FMN1: variants seen among roughly 807,000 people sequenced by gnomAD.
FMN1 encodes the protein formin 1.
Under a neutral mutation model 132.4 loss-of-function variants are expected in FMN1, and 110 were observed. The observed-to-expected ratio is 0.83, with a 90% CI of 0.71 to 0.97. FMN1 has a LOEUF of 0.97. Ranked by LOEUF, FMN1 falls within the 50% of genes least tolerant of loss-of-function variation. The probability of loss-of-function intolerance (pLI) is 0.00; values close to 1 mark genes in which losing one functional copy is unlikely to be tolerated. For missense variants in FMN1, 1,792 were observed against 1,705.3 expected (o/e 1.05, Z -0.90); for synonymous variants, 722 against 651.7 (o/e 1.11, Z -1.64).
At chr15:32,811,659 A>T (rs1595981067) in intron 17 of FMN1, among the ~76,000 whole-genome samples, 3 of 147,474 alleles carry the variant, frequency 2.0e-5, no homozygotes, top group Non-Finnish European at 1.5e-5. Flanking sequence ...CTTTTTCATC[A>T]TTTTATTTGC....
intron 3 of FMN1, among the ~76,000 whole-genome samples, chr15:33,170,548 T>A (rs1208968082): frequency 2.2e-5 from 3 of 137,936 alleles, no homozygotes. Context: ...CTCAAACAAC[T>A]CAACAATAAA....
intron 5 of FMN1, among the ~76,000 whole-genome samples, chr15:33,082,664 A>C (rs942082247): frequency 6.6e-6 from 1 of 152,174 alleles, no homozygotes; most frequent in Non-Finnish European, 1.5e-5. Flanking sequence ...CCTGAGATGC[A>C]TGGCTAATGG....
intron 12 of FMN1, 138 bp from the exon 13 acceptor site, chr15:32,902,178 T>C (rs376819091): frequency 1.1e-5 from 8 of 703,662 alleles, no homozygotes; most frequent in East Asian, 1.1e-4. Flanking sequence ...ATAGGTAGAC[T>C]CAAGGAATTC....
intron 10 of FMN1, among the ~76,000 whole-genome samples, chr15:32,914,082 C>T (rs1243106924): frequency 6.6e-6 from 1 of 151,956 alleles, no homozygotes; most frequent in Non-Finnish European, 1.5e-5. Flanking sequence ...GTAGATTATA[C>T]CGCTTGCCTG....
At chr15:33,173,678 C>T (rs1965410787) in intron 3 of FMN1, among the ~76,000 whole-genome samples, 2 of 152,220 alleles carry the variant, frequency 1.3e-5, no homozygotes, top group African/African-American at 4.8e-5. Flanking sequence ...CCTGTAATCC[C>T]AGCACATTGG....
intron 6 of FMN1, among the ~76,000 whole-genome samples, chr15:33,040,340 CTTAT>C (rs1156303636): frequency 6.6e-6 from 1 of 152,126 alleles, no homozygotes; most frequent in Admixed American, 6.6e-5. Flanking sequence ...TTTGATTGAA[CTTAT>C]TTGTGTATTT....
chr15:32,797,088 G>C (rs1286615384), intron 19 of FMN1, among the ~76,000 whole-genome samples: 1 of 150,836 alleles, frequency 6.6e-6, no homozygotes, highest in African/African-American at 2.4e-5. Flanking sequence ...CTGGGAATCA[G>C]AGATACTGTC....
At chr15:33,066,927 G>C in intron 5 of FMN1, 1 of 1,613,956 alleles carries the variant, frequency 6.2e-7, no homozygotes, top group Non-Finnish European at 8.5e-7. Context: ...AGCCCTGCCT[G>C]CACTAAGGAC....
At position 32,997,381 on chromosome 15, in the gene FMN1, G is replaced by C. The variant is rs118000233; in HGVS notation, c.2223+10633C>G. On this transcript the variant is annotated intron_variant, in intron 7 of 20. Transcript: ENST00000616417. ...GCAGATCATCCTTTATTCCTACCTT[G>C]TACAGGTCTTTGACACAGGACGAGA... is the stretch of plus-strand genomic sequence containing the variant. Among the ~76,000 whole-genome samples the C allele has an allele frequency of 3.8e-3, 518 of 136,456 alleles. 3 individuals are homozygous for C. The highest frequency in any genetic ancestry group is 4.7e-3 in the Non-Finnish European group (299 of 64,046). The allele number at this position is 136,456 out of a possible 152,430, so 89.5% of individuals were successfully genotyped here. A position where few individuals can be genotyped will look rare whatever the true frequency, so the allele number is the denominator to read the frequency against.
intron 8 of FMN1, among the ~76,000 whole-genome samples, chr15:32,965,586 TG>T (rs2031137979): frequency 6.6e-6 from 1 of 152,202 alleles, no homozygotes; most frequent in South Asian, 2.1e-4. Context: ...CACAGAATTT[TG>T]TAATACTACA....
chr15:32,954,618 T>C lies in FMN1; in HGVS notation c.3138+9489A>G, dbSNP rs74014357. On this transcript the variant is annotated intron_variant, in intron 9 of 20. Coordinates refer to ENST00000616417, the MANE Select transcript of FMN1 (RefSeq NM_001277313.2). ...CCAAAGCTGGGCACTTTTTTCACTATACAATGACCAAAAAATAAAATTCAG... is the reference window on the plus strand; with the variant it reads ...CCAAAGCTGGGCACTTTTTTCACTACACAATGACCAAAAAATAAAATTCAG... Among the ~76,000 whole-genome samples the C allele has an allele frequency of 4.2e-3, 639 of 152,348 alleles. 4 individuals are homozygous for C. The highest frequency in any genetic ancestry group is 0.015 in the African/African-American group (627 of 41,564).
At chr15:32,872,456 C>T (rs2059538359) in intron 16 of FMN1, among the ~76,000 whole-genome samples, 1 of 152,228 alleles carries the variant, frequency 6.6e-6, no homozygotes, top group African/African-American at 2.4e-5. Context: ...TTATCCACTG[C>T]TCTAATCAGG....
chr15:33,151,461 C>T (rs1964435905), intron 4 of FMN1: 2 of 1,424,086 alleles, frequency 1.4e-6, no homozygotes, highest in East Asian at 5.0e-5. Flanking sequence ...CCTTGTCACT[C>T]AGTGGGCTCA....
At chr15:33,024,790 A>C (rs2035589967) in intron 6 of FMN1, among the ~76,000 whole-genome samples, 1 of 152,220 alleles carries the variant, frequency 6.6e-6, no homozygotes, top group African/African-American at 2.4e-5. Context: ...CATTGTTTCT[A>C]ACAGTGAAAA....
chr15:32,923,081 G>C (rs374763719), intron 10 of FMN1, among the ~76,000 whole-genome samples: 2 of 152,166 alleles, frequency 1.3e-5, no homozygotes, highest in Non-Finnish European at 2.9e-5. Context: ...TGGAAAGTAT[G>C]AGTTAATCCC....
Position 33,131,345 on chromosome 15 carries a change from A to T in FMN1, c.1867+21703T>A, listed in dbSNP as rs1247877661. 4.0e-5 allele frequency among the ~76,000 whole-genome samples: 6 copies of T among 151,884 alleles called. 1 individual carries two copies. The highest frequency in any genetic ancestry group is 2.6e-4 in the Admixed American group (4 of 15,254). On this transcript the variant is annotated intron_variant, in intron 4 of 20. Coordinates refer to ENST00000616417, the MANE Select transcript of FMN1 (RefSeq NM_001277313.2). Reference sequence around the variant, plus strand: ...CTCCATCTCAAAAAAAAAAAAAAAAAAAAAGCTGTATTAAAATCAGGATGT... The same window carrying T: ...CTCCATCTCAAAAAAAAAAAAAAAATAAAAGCTGTATTAAAATCAGGATGT...
At chr15:33,067,378 A>AG (rs759233940) in intron 5 of FMN1, 1 of 1,613,966 alleles carries the variant, frequency 6.2e-7, no homozygotes, top group Non-Finnish European at 8.5e-7. Flanking sequence ...AAACACCACT[A>AG]GGGGACTTTG....
At chr15:33,058,255 G>A (rs2037325172) in intron 6 of FMN1, among the ~76,000 whole-genome samples, 1 of 152,162 alleles carries the variant, frequency 6.6e-6, no homozygotes, top group South Asian at 2.1e-4. Context: ...GAAATTATGA[G>A]AAAGACGACG....
intron 7 of FMN1, among the ~76,000 whole-genome samples, chr15:32,991,285 A>G (rs1420679915): frequency 1.3e-5 from 2 of 152,018 alleles, no homozygotes; most frequent in Non-Finnish European, 2.9e-5. Flanking sequence ...TTTCTCATCA[A>G]CTTATTCCTT....
Sources: allele counts gnomAD v4.1 joint callset (sites outside exome capture counted in the v4.1 genomes callset), GRCh38; gene constraint gnomAD v4.1.1; transcripts MANE v1.5; gene names NCBI Gene and HGNC (gene_info 2026-07-23, HGNC 2026-07-21).